The following KCNH5 variants were observed in gnomAD, a reference collection of about 807,000 sequenced individuals.
The protein encoded by KCNH5 is potassium voltage-gated channel subfamily H member 5, also known as voltage-gated delayed rectifier potassium channel KCNH5.
Under a neutral mutation model 96.1 loss-of-function variants are expected in KCNH5, and 46 were observed. The observed-to-expected ratio is 0.48, with a 90% CI of 0.38 to 0.61. KCNH5 has a LOEUF of 0.61. Ranked by LOEUF, KCNH5 falls within the 20% of genes least tolerant of loss-of-function variation. The pLI is 0.00. For synonymous variants in KCNH5, 439 were observed against 449.8 expected, an observed-to-expected ratio of 0.98 and a Z score of 0.30; for missense variants, 907 against 1,225.8, an observed-to-expected ratio of 0.74 and a Z score of 3.88.
chr14:63,036,390 T>C (rs1036426769), intron 1 of KCNH5, among the ~76,000 whole-genome samples: 1 of 151,966 alleles, frequency 6.6e-6, no homozygotes, highest in Admixed American at 6.6e-5. Context: ...ACTGATAATC[T>C]AGTTGGAAAG....
intron 6 of KCNH5, among the ~76,000 whole-genome samples, chr14:62,972,732 A>G (rs1285853357): frequency 6.6e-6 from 1 of 152,180 alleles, no homozygotes. Flanking sequence ...TTAAATGCCT[A>G]TTACTAAGAG....
At chr14:62,853,412 C>A (rs1887848234) in intron 7 of KCNH5, among the ~76,000 whole-genome samples, 1 of 124,528 alleles carries the variant, frequency 8.0e-6, no homozygotes, top group South Asian at 2.8e-4. Flanking sequence ...AAATGCTATG[C>A]ATCATTATCA....
chr14:62,982,160 C>T (rs1187935223), intron 5 of KCNH5, among the ~76,000 whole-genome samples: 6 of 152,156 alleles, frequency 3.9e-5, no homozygotes, highest in Non-Finnish European at 8.8e-5. Flanking sequence ...GAAACGCTGT[C>T]TCTACTAAAA....
At chr14:62,813,981 A>C (rs994355482) in intron 8 of KCNH5, among the ~76,000 whole-genome samples, 4 of 152,176 alleles carry the variant, frequency 2.6e-5, no homozygotes, top group African/African-American at 4.8e-5. Context: ...GGGGTGTCAA[A>C]ACCTCCAAGG....
At chr14:63,025,604 C>T (rs1030846234) in intron 1 of KCNH5, among the ~76,000 whole-genome samples, 1 of 113,542 alleles carries the variant, frequency 8.8e-6, no homozygotes. Context: ...GAAAACAATA[C>T]CATTTACAAT....
intron 4 of KCNH5, among the ~76,000 whole-genome samples, chr14:62,997,693 C>G (rs982812600): frequency 6.6e-6 from 1 of 151,358 alleles, no homozygotes; most frequent in Non-Finnish European, 1.5e-5. Context: ...GTCAGGAGAT[C>G]GAGACCATCC....
At chr14:62,794,279 T>C (rs1394497116) in intron 9 of KCNH5, among the ~76,000 whole-genome samples, 2 of 151,988 alleles carry the variant, frequency 1.3e-5, no homozygotes. Flanking sequence ...TAAAAATAAA[T>C]AAATTGGTAA....
Position 62,780,517 on chromosome 14 carries a change from TGAAGGACCCA to T in KCNH5, c.1823-603_1823-594del, listed in dbSNP as rs1417196403. 5.9e-5 allele frequency among the ~76,000 whole-genome samples: 9 copies of T among 152,242 alleles called. No homozygotes were observed. The South Asian group carries it at 6.2e-4, about 11-fold the overall frequency. On this transcript the variant is annotated intron_variant, in intron 9 of 10. Coordinates refer to ENST00000322893, the MANE Select transcript of KCNH5 (RefSeq NM_139318.5). ...AGCTCCCCATCCACAATTACAAAGCTGAAGGACCCAGGTTGAGTAAAACATGGAGACTCAA... is the reference window on the plus strand; with the variant it reads ...AGCTCCCCATCCACAATTACAAAGCTGGTTGAGTAAAACATGGAGACTCAA...
chr14:62,940,011 G>A (rs1024470817), intron 7 of KCNH5, among the ~76,000 whole-genome samples: 1 of 152,158 alleles, frequency 6.6e-6, no homozygotes, highest in African/African-American at 2.4e-5. Flanking sequence ...CTGCAAAGTA[G>A]AGACTATTAT....
intron 7 of KCNH5, among the ~76,000 whole-genome samples, chr14:62,868,658 C>T (rs1366074080): frequency 6.6e-6 from 1 of 151,960 alleles, no homozygotes; most frequent in Non-Finnish European, 1.5e-5. Context: ...CACCCATCAA[C>T]CTGTTATCTA....
At chr14:62,868,362 T>C (rs1317718096) in intron 7 of KCNH5, among the ~76,000 whole-genome samples, 2 of 152,206 alleles carry the variant, frequency 1.3e-5, no homozygotes, top group African/African-American at 2.4e-5. Context: ...ACAGGCCAAA[T>C]GGCAAGTAGG....
At chr14:62,887,388 C>T (rs1566695591) in intron 7 of KCNH5, among the ~76,000 whole-genome samples, 1 of 152,118 alleles carries the variant, frequency 6.6e-6, no homozygotes, top group Non-Finnish European at 1.5e-5. Flanking sequence ...GTAGCTCATG[C>T]AATTCAATGT....
At chr14:62,966,775 T>G (rs56261844) in intron 6 of KCNH5, among the ~76,000 whole-genome samples, 32,375 of 152,160 alleles carry the variant, frequency 0.21, 3,977 homozygotes, top group Non-Finnish European at 0.29. Context: ...GCCTTGCTGT[T>G]TCCTCCAATC....
At chr14:63,020,295 A>C (rs1891401122) in intron 1 of KCNH5, among the ~76,000 whole-genome samples, 1 of 152,160 alleles carries the variant, frequency 6.6e-6, no homozygotes, top group South Asian at 2.1e-4. Flanking sequence ...CAGAAATTTC[A>C]CTTCTAGGTA....
At chr14:62,727,776 A>T (rs1884962870) in intron 10 of KCNH5, among the ~76,000 whole-genome samples, 1 of 113,570 alleles carries the variant, frequency 8.8e-6, no homozygotes, top group Non-Finnish European at 1.8e-5. Context: ...ACAGTCTGGT[A>T]AAAAAAAAAA....
chr14:62,892,410 T>C (rs956867920), intron 7 of KCNH5, among the ~76,000 whole-genome samples: 1 of 152,158 alleles, frequency 6.6e-6, no homozygotes, highest in Non-Finnish European at 1.5e-5. Flanking sequence ...CTACCAGAGA[T>C]TGGTCCAGAG....
At chr14:62,773,048 C>A (rs982583019) in intron 10 of KCNH5, among the ~76,000 whole-genome samples, 90 of 152,288 alleles carry the variant, frequency 5.9e-4, no homozygotes, top group African/African-American at 2.0e-3. Flanking sequence ...CACATATTAT[C>A]CTTCCCTATT....
chr14:62,941,074 G>A (rs1472448438), intron 7 of KCNH5, among the ~76,000 whole-genome samples: 3 of 152,176 alleles, frequency 2.0e-5, no homozygotes, highest in African/African-American at 7.2e-5. Context: ...ACATTAAAAG[G>A]TTATTGAGGG....
intron 4 of KCNH5, among the ~76,000 whole-genome samples, chr14:62,995,664 T>C (rs981238911): frequency 6.6e-6 from 1 of 152,140 alleles, no homozygotes; most frequent in Non-Finnish European, 1.5e-5. Flanking sequence ...GTCCACTCAC[T>C]ATTCCACTCT....
Sources: allele counts gnomAD v4.1 joint callset (sites outside exome capture counted in the v4.1 genomes callset), GRCh38; gene constraint gnomAD v4.1.1; transcripts MANE v1.5; gene names NCBI Gene and HGNC (gene_info 2026-07-23, HGNC 2026-07-21).